Variants in GRID2 observed in about 807,000 individuals in gnomAD.
The protein encoded by GRID2 is glutamate ionotropic receptor delta type subunit 2.
Under a neutral mutation model 114.8 loss-of-function variants are expected in GRID2, and 33 were observed. That is an observed-to-expected ratio of 0.29 (90% CI 0.22 to 0.38). The LOEUF (loss-of-function observed/expected upper bound fraction) is 0.38, where lower values mean the gene tolerates loss of function less well. GRID2 is among the 10% of genes least tolerant of loss of function. The pLI, the probability that GRID2 is intolerant of heterozygous loss-of-function variation, is 1.00. For synonymous variants in GRID2, 505 were observed against 449.9 expected (o/e 1.12, Z -1.55); for missense variants, 1,184 against 1,257.7 (o/e 0.94, Z 0.89).
At chr4:92,751,425 A>C (rs972419014) in intron 2 of GRID2, among the ~76,000 whole-genome samples, 4 of 152,178 alleles carry the variant, frequency 2.6e-5, no homozygotes, top group Non-Finnish European at 5.9e-5. Context: ...ATATACATCA[A>C]AATAATTTAT....
rs1380121691 is a variant in GRID2 at position 92,485,337 on chromosome 4, TATATATATATA to T, written c.89-104793_89-104783del. Among the ~76,000 whole-genome samples the T allele has an allele frequency of 2.6e-3, 242 of 92,204 alleles. 1 individual carries two copies. The highest frequency in any genetic ancestry group is 5.1e-3 in the African/African-American group (128 of 25,238). 60.5% of individuals were successfully genotyped at this position (92,204 alleles called of 152,430 possible). Reference sequence around the variant, plus strand: ...ATATATATATATATATATATATATATATATATATATAGTGTGTGTGTGTGTGTGTGTGAGTG... The same window carrying T: ...ATATATATATATATATATATATATATGTGTGTGTGTGTGTGTGTGTGAGTG... On this transcript the variant is annotated intron_variant, in intron 1 of 15. Transcript: ENST00000282020.
intron 2 of GRID2, among the ~76,000 whole-genome samples, chr4:93,073,108 C>A (rs1728953781): frequency 6.6e-6 from 1 of 152,106 alleles, no homozygotes; most frequent in African/African-American, 2.4e-5. Context: ...ATAGTTTTCA[C>A]CAAGTTTAGT....
At chr4:93,727,870 C>G (rs1451308709) in intron 14 of GRID2, among the ~76,000 whole-genome samples, 1 of 152,058 alleles carries the variant, frequency 6.6e-6, no homozygotes, top group Non-Finnish European at 1.5e-5. Context: ...TTTGATTCTT[C>G]TCTCTTTTCT....
At chr4:93,051,074 A>C (rs555604422) in intron 2 of GRID2, among the ~76,000 whole-genome samples, 1 of 152,058 alleles carries the variant, frequency 6.6e-6, no homozygotes, top group South Asian at 2.1e-4. Context: ...ACACAAATGT[A>C]GTTTTAGACT....
intron 1 of GRID2, among the ~76,000 whole-genome samples, chr4:92,564,940 C>A (rs926396337): frequency 1.3e-5 from 2 of 151,904 alleles, no homozygotes; most frequent in African/African-American, 4.8e-5. Flanking sequence ...GTATATCATG[C>A]CAGAATGCAT....
At chr4:92,573,313 TC>T (rs1579606257) in intron 1 of GRID2, among the ~76,000 whole-genome samples, 2 of 152,206 alleles carry the variant, frequency 1.3e-5, no homozygotes, top group East Asian at 3.8e-4. Context: ...TCTATCTCCT[TC>T]AGTTCTGCTC....
rs978649136 is a variant in GRID2, at chr4:93,773,175, T to C, written c.*677T>C. Reference sequence around the variant, plus strand: ...AGTTTTTTCTTATGTACAGTAAACTTTATCATATGGCAGAAGCCTCTATTG... The same window carrying C: ...AGTTTTTTCTTATGTACAGTAAACTCTATCATATGGCAGAAGCCTCTATTG... On this transcript the variant is annotated 3_prime_UTR_variant, in exon 16 of 16. Coordinates refer to ENST00000282020, the MANE Select transcript of GRID2 (RefSeq NM_001510.4). The C allele has an allele frequency of 6.6e-6, 1 of 152,184 alleles. No individual in the cohort carries two copies. Among genetic ancestry groups the C allele is most frequent in the East Asian group, 1.9e-4 (1 of 5,202 alleles). The allele number at this position is 152,184 out of a possible 1,614,324, so 9.4% of individuals were successfully genotyped here. A position where few individuals can be genotyped will look rare whatever the true frequency, so the allele number is the denominator to read the frequency against.
chr4:93,218,596 C>T (rs1744509943), intron 6 of GRID2, among the ~76,000 whole-genome samples: 1 of 152,100 alleles, frequency 6.6e-6, no homozygotes, highest in African/African-American at 2.4e-5. Flanking sequence ...TCATAATTAC[C>T]ACAGTGCTTT....
intron 2 of GRID2, among the ~76,000 whole-genome samples, chr4:92,640,058 T>C (rs1349937202): frequency 6.6e-6 from 1 of 151,788 alleles, no homozygotes; most frequent in Non-Finnish European, 1.5e-5. Flanking sequence ...GCATATATAA[T>C]ATAAAACACA....
intron 4 of GRID2, among the ~76,000 whole-genome samples, chr4:93,129,508 T>G (rs951841059): frequency 6.6e-6 from 1 of 152,098 alleles, no homozygotes; most frequent in Non-Finnish European, 1.5e-5. Context: ...AAATGTGGCC[T>G]GGAGACTAGT....
chr4:93,573,952 A>G (rs1453764584), intron 13 of GRID2, among the ~76,000 whole-genome samples: 1 of 152,210 alleles, frequency 6.6e-6, no homozygotes, highest in African/African-American at 2.4e-5. Context: ...AAATTATTTC[A>G]GCACTGTTGT....
chr4:93,180,547 G>A (rs1004439071), intron 4 of GRID2, among the ~76,000 whole-genome samples: 2 of 152,132 alleles, frequency 1.3e-5, no homozygotes, highest in Admixed American at 6.6e-5. Flanking sequence ...AAGGTTTTCT[G>A]TAGCATGCCA....
rs1746323452 is a variant in GRID2, at chr4:93,233,023, G to A, written c.1126-5348G>A. On this transcript the variant is annotated intron_variant, in intron 7 of 15. Transcript: ENST00000282020. ...GTCATTGGAGGGCCTACTTAGGCCT[G>A]AGAGTGATAGATAAGTGGAAACGTT... is the stretch of plus-strand genomic sequence containing the variant. Among the ~76,000 whole-genome samples the A allele has an allele frequency of 2.0e-5, 3 of 152,300 alleles. No homozygotes were observed. The South Asian group carries it at 6.2e-4, about 32-fold the overall frequency.
intron 2 of GRID2, among the ~76,000 whole-genome samples, chr4:92,633,365 G>C (rs1476030076): frequency 6.6e-6 from 1 of 152,074 alleles, no homozygotes; most frequent in Non-Finnish European, 1.5e-5. Context: ...CTCTAAAAGA[G>C]CAAATGGTGC....
At chr4:92,439,501 G>C (rs1157170081) in intron 1 of GRID2, among the ~76,000 whole-genome samples, 4 of 151,940 alleles carry the variant, frequency 2.6e-5, no homozygotes, top group African/African-American at 9.7e-5. Flanking sequence ...AGAGAGAATG[G>C]GCGATGTTTC....
At chr4:92,882,875 A>G (rs1173028299) in intron 2 of GRID2, among the ~76,000 whole-genome samples, 1 of 152,208 alleles carries the variant, frequency 6.6e-6, no homozygotes, top group East Asian at 1.9e-4. Context: ...CAACAAGTAC[A>G]AATCTTTTTA....
intron 13 of GRID2, among the ~76,000 whole-genome samples, chr4:93,598,392 C>T (rs1228939176): frequency 6.6e-6 from 1 of 151,874 alleles, no homozygotes; most frequent in Non-Finnish European, 1.5e-5. Context: ...CTCATGCTTC[C>T]TTTCTCACTC....
At chr4:92,997,259 G>C (rs1187915653) in intron 2 of GRID2, among the ~76,000 whole-genome samples, 1 of 152,054 alleles carries the variant, frequency 6.6e-6, no homozygotes, top group Non-Finnish European at 1.5e-5. Context: ...TGAGTGAAAG[G>C]AGTTCATGTC....
chr4:93,493,484 G>A (rs1351252005), intron 12 of GRID2, among the ~76,000 whole-genome samples: 2 of 151,890 alleles, frequency 1.3e-5, no homozygotes, highest in African/African-American at 2.4e-5. Flanking sequence ...TGTCAGAGTT[G>A]AGAGTCCAAT....
Sources: allele counts gnomAD v4.1 joint callset (sites outside exome capture counted in the v4.1 genomes callset), GRCh38; gene constraint gnomAD v4.1.1; transcripts MANE v1.5; gene names NCBI Gene and HGNC (gene_info 2026-07-23, HGNC 2026-07-21).